The following PLCE1 variants were observed in gnomAD, a reference collection of about 807,000 sequenced individuals.
PLCE1 encodes the protein 1-phosphatidylinositol 4,5-bisphosphate phosphodiesterase epsilon-1.
Under a neutral mutation model 242.8 loss-of-function variants are expected in PLCE1, and 119 were observed. The observed-to-expected ratio is 0.49, with a 90% CI of 0.42 to 0.57. The LOEUF is 0.57. Among genes scored for constraint, PLCE1 ranks in the 20% least tolerant of loss-of-function variants. The probability of loss-of-function intolerance (pLI) is 0.00; values close to 1 mark genes in which losing one functional copy is unlikely to be tolerated. For missense variants in PLCE1, 2,441 were observed against 2,788.8 expected (o/e 0.88, Z 2.81); for synonymous variants, 945 against 1,017.4 (o/e 0.93, Z 1.35).
intron 4 of PLCE1, among the ~76,000 whole-genome samples, chr10:94,226,748 A>T (rs1386988011): frequency 6.6e-6 from 1 of 151,094 alleles, no homozygotes; most frequent in Non-Finnish European, 1.5e-5. Context: ...TTTCAATCAA[A>T]GGATTTTATG....
At chr10:94,260,271 T>G (rs1309658426) in intron 13 of PLCE1, among the ~76,000 whole-genome samples, 1 of 152,146 alleles carries the variant, frequency 6.6e-6, no homozygotes, top group Non-Finnish European at 1.5e-5. Context: ...TCTGAATGAT[T>G]GTCCAGGATA....
intron 2 of PLCE1, 65 bp from the exon 3 acceptor site, chr10:94,132,109 C>T: frequency 6.6e-7 from 1 of 1,519,234 alleles, no homozygotes; most frequent in Non-Finnish European, 9.1e-7. Context: ...GGCATTTTGT[C>T]AACAAGTTAA....
At chr10:94,153,169 C>T (rs939687070) in intron 3 of PLCE1, among the ~76,000 whole-genome samples, 5 of 152,062 alleles carry the variant, frequency 3.3e-5, no homozygotes, top group East Asian at 1.9e-4. Context: ...AATTGCAAAA[C>T]GACAGTAAAT....
At chr10:94,091,813 G>A (rs539567645) in intron 2 of PLCE1, among the ~76,000 whole-genome samples, 90 of 152,164 alleles carry the variant, frequency 5.9e-4, no homozygotes, top group Admixed American at 7.2e-4. Context: ...ACCTGACAAG[G>A]ATAATGAGAT....
intron 3 of PLCE1, among the ~76,000 whole-genome samples, chr10:94,143,775 A>G (rs1465876777): frequency 2.0e-5 from 3 of 152,224 alleles, no homozygotes; most frequent in Non-Finnish European, 2.9e-5. Flanking sequence ...AGTTTTGTCA[A>G]CTGGAAATAT....
chr10:94,032,315 C>T lies in PLCE1; in HGVS notation c.1206+63C>T. 3 of 1,454,310 alleles carry T rather than the reference C, an allele frequency of 2.1e-6. No homozygotes were observed. In the Admixed American group the frequency reaches 5.1e-5, roughly 25 times the overall value. 90.1% of individuals were successfully genotyped at this position (1,454,310 alleles called of 1,614,324 possible). On this transcript the variant is annotated intron_variant, in intron 2 of 32. Coordinates refer to ENST00000371380, the MANE Select transcript of PLCE1 (RefSeq NM_016341.4). ...TTGCTTTTTTTTTCAAAAAAAAGTC[C>T]AAATTTCCATTGTCATAATTGATGA...
intron 1 of PLCE1, among the ~76,000 whole-genome samples, chr10:94,006,361 T>C (rs2061037162): frequency 6.6e-6 from 1 of 152,250 alleles, no homozygotes. Flanking sequence ...ACATGTGCTT[T>C]ACCTTTTAGA....
intron 2 of PLCE1, chr10:94,109,047 T>C (rs760335258): frequency 1.3e-5 from 2 of 152,234 alleles, no homozygotes; most frequent in Non-Finnish European, 2.9e-5. Flanking sequence ...CCAGGTCCTC[T>C]GATTCCCAAC....
intron 2 of PLCE1, among the ~76,000 whole-genome samples, chr10:94,081,767 C>T (rs1475448409): frequency 6.6e-6 from 1 of 152,166 alleles, no homozygotes; most frequent in African/African-American, 2.4e-5. Context: ...CAGAATCATA[C>T]AGCTAGGAGG....
chr10:94,327,906 C>G (rs535701895), intron 32 of PLCE1, 62 bp from the exon 33 acceptor site: 4 of 495,566 alleles, frequency 8.1e-6, no homozygotes, highest in Non-Finnish European at 1.7e-5. Context: ...CTTGGTATAC[C>G]GCAAGTGTTT....
At position 94,248,505 on chromosome 10, in the gene PLCE1, G is replaced by A. The variant is rs145417771; in HGVS notation, c.3096+1884G>A. On this transcript the variant is annotated intron_variant, in intron 8 of 32. Transcript: ENST00000371380. Reference sequence around the variant, plus strand: ...CTCATGAGGCTGAGGCAGGAGAATCGCTTGAGCCTGGGAGATGGAGGTTGC... The same window carrying A: ...CTCATGAGGCTGAGGCAGGAGAATCACTTGAGCCTGGGAGATGGAGGTTGC... Among the ~76,000 whole-genome samples, 5 of 152,194 alleles carry A rather than the reference G, an allele frequency of 3.3e-5. No individual in the cohort carries two copies. The South Asian group carries it at 8.3e-4, about 25-fold the overall frequency.
intron 2 of PLCE1, among the ~76,000 whole-genome samples, chr10:94,118,278 T>C (rs549524606): frequency 8.5e-5 from 13 of 152,280 alleles, no homozygotes; most frequent in African/African-American, 3.1e-4. Flanking sequence ...ATATCTTTCT[T>C]ATCTGACTAT....
chr10:94,082,739 T>C (rs2044690005), intron 2 of PLCE1, among the ~76,000 whole-genome samples: 4 of 152,210 alleles, frequency 2.6e-5, no homozygotes, highest in Admixed American at 2.6e-4. Context: ...ATTTTTTCCA[T>C]ACATTAGCAA....
chr10:94,283,556 T>C (rs2052327077), intron 20 of PLCE1: 1 of 397,892 alleles, frequency 2.5e-6, no homozygotes, highest in Non-Finnish European at 4.8e-6. Context: ...ATTTAAATTA[T>C]GTATATAAGT....
At chr10:94,273,514 A>G (rs372055656) in intron 18 of PLCE1, 48 bp from the exon 19 acceptor site, 31 of 1,518,926 alleles carry the variant, frequency 2.0e-5, no homozygotes, top group Non-Finnish European at 2.8e-5. Flanking sequence ...ATATTTATCA[A>G]TTATAGATAA....
intron 2 of PLCE1, among the ~76,000 whole-genome samples, chr10:94,119,323 T>A (rs1015986310): frequency 1.3e-5 from 2 of 152,248 alleles, no homozygotes; most frequent in African/African-American, 4.8e-5. Context: ...TGGAAGGCAA[T>A]GGATGTCCTC....
At chr10:94,147,071 C>G (rs897818647) in intron 3 of PLCE1, among the ~76,000 whole-genome samples, 4 of 152,150 alleles carry the variant, frequency 2.6e-5, no homozygotes, top group Non-Finnish European at 5.9e-5. Context: ...GTGTCTCTCT[C>G]CCCCAACAGT....
chr10:94,306,085 C>G lies in PLCE1; in HGVS notation c.5623-342C>G, dbSNP rs1011435174. Among the ~76,000 whole-genome samples the G allele has an allele frequency of 6.6e-6, 1 of 151,950 alleles. No homozygotes were observed. The stretch of plus-strand genomic sequence containing the variant: ...TTCCTGGGTTCAAGCAATTCCCCTG[C>G]CTCAGCCTCCCTAATAGCTGGGACT... On this transcript the variant is annotated intron_variant, in intron 25 of 32. Transcript: ENST00000371380. The surrounding 1 kb of genome is among the most constrained non-coding windows in gnomAD (Gnocchi z 5.7).
intron 4 of PLCE1, among the ~76,000 whole-genome samples, chr10:94,219,408 C>T (rs1433881953): frequency 6.6e-6 from 1 of 152,148 alleles, no homozygotes; most frequent in Non-Finnish European, 1.5e-5. Context: ...TGTTGGCTTC[C>T]TTCTTAGGCA....
Sources: gnomAD v4.1 joint callset for allele counts (sites outside exome capture counted in the v4.1 genomes callset) on GRCh38, gnomAD v4.1.1 for gene constraint, Gnocchi (gnomAD v3.1) non-coding constraint, MANE v1.5 for transcripts, NCBI Gene and HGNC (gene_info 2026-07-23, HGNC 2026-07-21) for gene names.